The following NAALADL2 variants were observed in gnomAD, a reference collection of about 807,000 sequenced individuals.
The protein encoded by NAALADL2 is inactive N-acetylated-alpha-linked acidic dipeptidase-like protein 2.
A neutral mutation model predicts 87.2 loss-of-function variants in NAALADL2; 76 were observed. The observed-to-expected ratio is 0.87, with a 90% CI of 0.72 to 1.05. The LOEUF (loss-of-function observed/expected upper bound fraction) is 1.05. NAALADL2 is among the 50% of genes least tolerant of loss of function. The probability of loss-of-function intolerance (pLI) is 0.00; values close to 1 mark genes in which losing one functional copy is unlikely to be tolerated. For missense variants in NAALADL2, 1,089 were observed against 945.8 expected (o/e 1.15, Z -1.99); for synonymous variants, 354 against 331.0 (o/e 1.07, Z -0.75).
intron 9 of NAALADL2, among the ~76,000 whole-genome samples, chr3:175,509,820 C>A (rs1189394463): frequency 3.3e-5 from 5 of 151,912 alleles, no homozygotes; most frequent in Admixed American, 6.6e-5. Flanking sequence ...GAACAGGAAG[C>A]AAACACATCC....
At chr3:174,467,395 C>T (rs547552949) in intron 1 of NAALADL2, among the ~76,000 whole-genome samples, 1 of 151,652 alleles carries the variant, frequency 6.6e-6, no homozygotes, top group East Asian at 1.9e-4. Context: ...GAATTTGAGA[C>T]CAGCCTGGCC....
At chr3:174,925,675 T>A (rs1021522448) in intron 1 of NAALADL2, among the ~76,000 whole-genome samples, 2 of 152,194 alleles carry the variant, frequency 1.3e-5, no homozygotes, top group African/African-American at 4.8e-5. Flanking sequence ...AGTATGGCCA[T>A]TTTCATGATA....
At chr3:174,943,164 AG>A (rs1358017186) in intron 1 of NAALADL2, among the ~76,000 whole-genome samples, 3 of 152,172 alleles carry the variant, frequency 2.0e-5, no homozygotes, top group African/African-American at 7.2e-5. Flanking sequence ...TGTGCATGTG[AG>A]TCTTCCCTTA....
intron 7 of NAALADL2, among the ~76,000 whole-genome samples, chr3:175,463,811 C>A (rs905555294): frequency 6.6e-6 from 1 of 150,936 alleles, no homozygotes; most frequent in Non-Finnish European, 1.5e-5. Context: ...CTAAAAAAGC[C>A]AAAGTTTTCT....
intron 9 of NAALADL2, among the ~76,000 whole-genome samples, chr3:175,554,612 G>A (rs569127244): frequency 5.5e-4 from 84 of 152,020 alleles, no homozygotes; most frequent in Non-Finnish European, 8.7e-4. Context: ...GGGTCATTGG[G>A]TCAAAGGATA....
intron 1 of NAALADL2, among the ~76,000 whole-genome samples, chr3:174,970,248 A>G (rs1015936311): frequency 5.9e-5 from 9 of 152,226 alleles, no homozygotes; most frequent in African/African-American, 1.7e-4. Flanking sequence ...CTACATTTCA[A>G]TGCACTTGGA....
In NAALADL2 at chr3:174,464,106, C is replaced by A. The variant is rs112106668; in HGVS notation, c.-184+23074C>A. ...TCCAGAAAACCATCTCATTTTTGAG[C>A]TATAGTATTTCTTGATTTCAACCTT... On this transcript the variant is annotated intron_variant, in intron 1 of 3. Transcript: ENST00000434257. 4.7e-3 allele frequency among the ~76,000 whole-genome samples: 717 copies of A among 152,110 alleles called. 2 individuals are homozygous for A. Among genetic ancestry groups the A allele is most frequent in the Admixed American group, 7.5e-3 (115 of 15,292 alleles).
intron 11 of NAALADL2, chr3:175,655,496 C>G: frequency 2.6e-6 from 1 of 391,060 alleles, no homozygotes; most frequent in South Asian, 1.9e-5. Flanking sequence ...AACACACATG[C>G]TTTCATAGTC....
At chr3:174,820,298 T>C (rs931168601) in intron 3 of NAALADL2, among the ~76,000 whole-genome samples, 1 of 152,218 alleles carries the variant, frequency 6.6e-6, no homozygotes, top group Non-Finnish European at 1.5e-5. Flanking sequence ...AGTCATTAGA[T>C]TTGTAAAATT....
At chr3:175,653,089 T>C (rs1038609495) in intron 11 of NAALADL2, among the ~76,000 whole-genome samples, 21 of 152,166 alleles carry the variant, frequency 1.4e-4, no homozygotes, top group African/African-American at 5.1e-4. Context: ...TATTTACTAT[T>C]CATTAAATGG....
chr3:175,471,805 T>G (rs1417927339), intron 9 of NAALADL2, 47 bp downstream of exon 9: 2 of 1,474,824 alleles, frequency 1.4e-6, no homozygotes, highest in South Asian at 2.6e-5. Context: ...AAACCGACCT[T>G]TTCTCTATAT....
intron 2 of NAALADL2, among the ~76,000 whole-genome samples, chr3:175,124,251 T>G (rs1001900608): frequency 2.6e-5 from 4 of 152,022 alleles, no homozygotes; most frequent in Admixed American, 6.6e-5. Flanking sequence ...AAGTTTCAAG[T>G]AACGGAAAAT....
At chr3:174,536,362 T>C (rs1054641306) in intron 1 of NAALADL2, among the ~76,000 whole-genome samples, 3 of 152,208 alleles carry the variant, frequency 2.0e-5, no homozygotes, top group African/African-American at 7.2e-5. Context: ...AGATACGATA[T>C]TGAAAATGAA....
intron 2 of NAALADL2, among the ~76,000 whole-genome samples, chr3:174,619,412 T>A (rs1226941468): frequency 6.6e-6 from 1 of 151,936 alleles, no homozygotes; most frequent in Non-Finnish European, 1.5e-5. Flanking sequence ...GCTGAGATCC[T>A]CTATGCCAAC....
intron 6 of NAALADL2, among the ~76,000 whole-genome samples, chr3:175,460,767 G>A (rs1722993525): frequency 6.6e-6 from 1 of 152,172 alleles, no homozygotes; most frequent in Non-Finnish European, 1.5e-5. Flanking sequence ...TAAAATTAGA[G>A]TGGGACTATA....
intron 2 of NAALADL2, among the ~76,000 whole-genome samples, chr3:175,227,559 T>A (rs889810496): frequency 6.6e-6 from 1 of 152,062 alleles, no homozygotes; most frequent in Admixed American, 6.6e-5. Context: ...ATATTGCAGT[T>A]AATTCTTTAA....
chr3:175,544,339 T>G (rs180838675), intron 9 of NAALADL2, among the ~76,000 whole-genome samples: 6 of 152,334 alleles, frequency 3.9e-5, no homozygotes, highest in Non-Finnish European at 5.9e-5. Context: ...GTTAATTTAT[T>G]GGCTTACAGC....
chr3:175,056,461 C>A (rs73038470), intron 1 of NAALADL2, among the ~76,000 whole-genome samples: 1 of 152,032 alleles, frequency 6.6e-6, no homozygotes, highest in African/African-American at 2.4e-5. Context: ...ACCATCTCTC[C>A]GGTGACCCTT....
chr3:175,005,098 G>A (rs1168502470), intron 1 of NAALADL2, among the ~76,000 whole-genome samples: 1 of 152,092 alleles, frequency 6.6e-6, no homozygotes, highest in Non-Finnish European at 1.5e-5. Flanking sequence ...AAATTATACT[G>A]TCAGTTGTTA....
Sources: allele counts gnomAD v4.1 joint callset (sites outside exome capture counted in the v4.1 genomes callset), GRCh38; gene constraint gnomAD v4.1.1; transcripts MANE v1.5; gene names NCBI Gene and HGNC (gene_info 2026-07-23, HGNC 2026-07-21).